Variants in SH3RF1 observed in about 807,000 individuals in gnomAD.
The protein encoded by SH3RF1 is E3 ubiquitin-protein ligase SH3RF1.
A neutral mutation model predicts 74.0 loss-of-function variants in SH3RF1; 32 were observed. That is an observed-to-expected ratio of 0.43 (90% CI 0.33 to 0.58). SH3RF1 has a LOEUF of 0.58. Among genes scored for constraint, SH3RF1 ranks in the 20% least tolerant of loss-of-function variants. The pLI, the probability that SH3RF1 is intolerant of heterozygous loss-of-function variation, is 0.05. For synonymous variants in SH3RF1, 396 were observed against 439.6 expected, an observed-to-expected ratio of 0.90 and a Z score of 1.24; for missense variants, 954 against 1,130.9, an observed-to-expected ratio of 0.84 and a Z score of 2.24.
chr4:169,106,942 G>T lies in SH3RF1; in HGVS notation c.2403C>A (p.Ser801=), dbSNP rs751934677. The T allele has an allele frequency of 3.1e-6, 5 of 1,613,864 alleles. No homozygotes were observed. Among genetic ancestry groups the T allele is most frequent in the Non-Finnish European group, 4.2e-6 (5 of 1,180,030 alleles). ...AQDAFHRKAS[S]LDSAVPIAPP... ...GAGCGATGGGAACTGCGGAGTCCAG[G>T]GAACTTGCCTTCCTATGAAAAGCAT... The change falls in exon 11 of 12, where the codon TCC becomes TCA. Residue 801 remains serine, a synonymous_variant. Coordinates refer to ENST00000284637, the MANE Select transcript of SH3RF1 (RefSeq NM_020870.4).
chr4:169,104,732 T>C (rs1006706895), intron 11 of SH3RF1, among the ~76,000 whole-genome samples: 56 of 152,034 alleles, frequency 3.7e-4, no homozygotes, highest in Middle Eastern at 3.4e-3. Flanking sequence ...CAAAACCCCA[T>C]CTCTACTGAA....
chr4:169,228,527 C>T (rs1331027504), intron 2 of SH3RF1, among the ~76,000 whole-genome samples: 8 of 152,148 alleles, frequency 5.3e-5, no homozygotes, highest in East Asian at 1.9e-4. Flanking sequence ...TAACATCACT[C>T]GGACCTTGTC....
intron 2 of SH3RF1, among the ~76,000 whole-genome samples, chr4:169,171,527 C>T (rs865811986): frequency 6.6e-6 from 1 of 152,102 alleles, no homozygotes; most frequent in Non-Finnish European, 1.5e-5. Context: ...TAGAATATGA[C>T]TTATTGATAG....
chr4:169,194,210 T>C (rs547960846), intron 2 of SH3RF1, among the ~76,000 whole-genome samples: 219 of 152,280 alleles, frequency 1.4e-3, no homozygotes, highest in Non-Finnish European at 1.4e-3. Context: ...CTTTTTGTAC[T>C]ATAAAATAAA....
intron 2 of SH3RF1, among the ~76,000 whole-genome samples, chr4:169,265,849 T>C (rs536257300): frequency 4.3e-4 from 65 of 152,376 alleles, no homozygotes; most frequent in African/African-American, 1.6e-3. Context: ...TAATGATTCC[T>C]TAAATCATTG....
At chr4:169,231,028 T>G (rs1259127454) in intron 2 of SH3RF1, among the ~76,000 whole-genome samples, 1 of 152,132 alleles carries the variant, frequency 6.6e-6, no homozygotes, top group Admixed American at 6.5e-5. Flanking sequence ...AGGCCACCGG[T>G]GCTAGGGCAT....
At chr4:169,263,857 A>G (rs774006442) in intron 2 of SH3RF1, among the ~76,000 whole-genome samples, 1 of 152,216 alleles carries the variant, frequency 6.6e-6, no homozygotes, top group Non-Finnish European at 1.5e-5. Context: ...CATCTGGTAT[A>G]CTGTCACATA....
intron 2 of SH3RF1, among the ~76,000 whole-genome samples, chr4:169,237,984 G>A (rs1203519075): frequency 2.0e-5 from 3 of 151,896 alleles, no homozygotes; most frequent in African/African-American, 7.3e-5. Context: ...TATTAGGTCG[G>A]GTTAGCAAGA....
intron 2 of SH3RF1, among the ~76,000 whole-genome samples, chr4:169,246,001 G>C (rs559860044): frequency 6.6e-6 from 1 of 152,320 alleles, no homozygotes; most frequent in Admixed American, 6.5e-5. Flanking sequence ...GGAAAACACA[G>C]TCTGCCAGGG....
chr4:169,257,780 C>T (rs906831874), intron 2 of SH3RF1, among the ~76,000 whole-genome samples: 1 of 152,204 alleles, frequency 6.6e-6, no homozygotes, highest in African/African-American at 2.4e-5. Context: ...ATAATTCTAG[C>T]AGATGAGATC....
At chr4:169,236,916 AT>A (rs1447474100) in intron 2 of SH3RF1, among the ~76,000 whole-genome samples, 1 of 152,240 alleles carries the variant, frequency 6.6e-6, no homozygotes, top group East Asian at 1.9e-4. Flanking sequence ...ATGGAAAAAT[AT>A]CTCCAAAAAC....
intron 2 of SH3RF1, among the ~76,000 whole-genome samples, chr4:169,225,570 G>A (rs999032002): frequency 6.6e-6 from 1 of 152,210 alleles, no homozygotes; most frequent in Non-Finnish European, 1.5e-5. Context: ...AATGGATTTA[G>A]TGACTAAGAG....
intron 4 of SH3RF1, among the ~76,000 whole-genome samples, chr4:169,146,138 T>C (rs1191844080): frequency 7.6e-6 from 1 of 131,588 alleles, no homozygotes; most frequent in Non-Finnish European, 1.6e-5. Flanking sequence ...ATATTATATA[T>C]CTATATATTC....
At chr4:169,244,719 C>T (rs755632599) in intron 2 of SH3RF1, among the ~76,000 whole-genome samples, 2 of 152,058 alleles carry the variant, frequency 1.3e-5, no homozygotes, top group African/African-American at 2.4e-5. Flanking sequence ...TTTTAAATTG[C>T]GCATGTGTTA....
chr4:169,202,194 A>C (rs2660422), intron 2 of SH3RF1, among the ~76,000 whole-genome samples: 71,501 of 151,980 alleles, frequency 0.47, 18,108 homozygotes, highest in East Asian at 0.78. Context: ...TTAAGGGCCT[A>C]CTTCGTGTTC....
At chr4:169,132,810 T>A (rs1360179114) in intron 5 of SH3RF1, among the ~76,000 whole-genome samples, 2 of 152,180 alleles carry the variant, frequency 1.3e-5, no homozygotes, top group African/African-American at 4.8e-5. Context: ...AAAAATATCC[T>A]AAGTGTGGTC....
chr4:169,121,846 G>A (rs1485231829), intron 7 of SH3RF1, among the ~76,000 whole-genome samples: 1 of 152,170 alleles, frequency 6.6e-6, no homozygotes, highest in Non-Finnish European at 1.5e-5. Flanking sequence ...AAGATAAAAA[G>A]TTCAAACAGG....
intron 2 of SH3RF1, among the ~76,000 whole-genome samples, chr4:169,248,910 T>C (rs1418853714): frequency 1.3e-5 from 2 of 152,166 alleles, no homozygotes; most frequent in Non-Finnish European, 1.5e-5. Flanking sequence ...GCCAATGTGA[T>C]GGTATTAAGA....
intron 2 of SH3RF1, among the ~76,000 whole-genome samples, chr4:169,234,772 T>C (rs893783968): frequency 6.6e-6 from 1 of 152,210 alleles, no homozygotes; most frequent in Admixed American, 6.5e-5. Context: ...TCACGGTAAA[T>C]TGATTTCTAT....
Sources: gnomAD v4.1 joint callset for allele counts (sites outside exome capture counted in the v4.1 genomes callset) on GRCh38, gnomAD v4.1.1 for gene constraint, MANE v1.5 for transcripts, NCBI Gene and HGNC (gene_info 2026-07-23, HGNC 2026-07-21) for gene names.